LRMDA: variants seen among roughly 807,000 people sequenced by gnomAD.
LRMDA encodes leucine-rich melanocyte differentiation-associated protein.
In LRMDA, 18 loss-of-function variants were observed where a neutral mutation model predicts 29.8. The observed-to-expected ratio is 0.60, with a 90% CI of 0.42 to 0.90. The LOEUF (loss-of-function observed/expected upper bound fraction) is 0.90, where lower values mean the gene tolerates loss of function less well. Ranked by LOEUF, LRMDA falls within the 40% of genes least tolerant of loss-of-function variation. The probability of loss-of-function intolerance (pLI) is 0.00; values close to 1 mark genes in which losing one functional copy is unlikely to be tolerated. For missense variants in LRMDA, 273 were observed against 273.9 expected, an observed-to-expected ratio of 1.00 and a Z score of 0.02; for synonymous variants, 125 against 109.4, an observed-to-expected ratio of 1.14 and a Z score of -0.89.
intron 2 of LRMDA, among the ~76,000 whole-genome samples, chr10:75,490,807 G>A (rs1197121663): frequency 6.6e-6 from 1 of 152,140 alleles, no homozygotes; most frequent in Admixed American, 6.5e-5. Context: ...TTGAATTATG[G>A]GTATCACTAA....
intron 5 of LRMDA, among the ~76,000 whole-genome samples, chr10:76,222,604 TA>T (rs1377205825): frequency 6.6e-6 from 1 of 152,006 alleles, no homozygotes; most frequent in East Asian, 1.9e-4. Flanking sequence ...TGGCAATCAT[TA>T]AAAAGTCAGG....
intron 6 of LRMDA, among the ~76,000 whole-genome samples, chr10:76,372,717 A>T (rs10824411): frequency 7.2e-5 from 11 of 152,022 alleles, no homozygotes; most frequent in Non-Finnish European, 1.6e-4. Context: ...TATGCTATGC[A>T]GAGATGTACT....
At chr10:76,057,375 T>A (rs1848633777) in intron 4 of LRMDA, among the ~76,000 whole-genome samples, 1 of 152,300 alleles carries the variant, frequency 6.6e-6, no homozygotes, top group Admixed American at 6.5e-5. Flanking sequence ...TCAAGAAATA[T>A]CTGTGCAACT....
At chr10:76,029,714 G>A (rs1848118215) in intron 2 of LRMDA, among the ~76,000 whole-genome samples, 1 of 152,156 alleles carries the variant, frequency 6.6e-6, no homozygotes, top group Admixed American at 6.5e-5. Context: ...TAGATATGGT[G>A]CAGGGGGCTT....
At chr10:76,194,671 A>T (rs748332409) in intron 5 of LRMDA, among the ~76,000 whole-genome samples, 1 of 152,172 alleles carries the variant, frequency 6.6e-6, no homozygotes, top group Non-Finnish European at 1.5e-5. Flanking sequence ...TAAGTTATTC[A>T]CTGGAAGTGC....
At chr10:76,089,384 T>G (rs1356992151) in intron 5 of LRMDA, among the ~76,000 whole-genome samples, 1 of 152,200 alleles carries the variant, frequency 6.6e-6, no homozygotes, top group East Asian at 1.9e-4. Context: ...GGGAACTTAA[T>G]TGCACTGGTG....
chr10:76,174,114 A>G (rs1400772804), intron 5 of LRMDA, among the ~76,000 whole-genome samples: 4 of 152,170 alleles, frequency 2.6e-5, no homozygotes, highest in South Asian at 2.1e-4. Context: ...TATTGGAGAG[A>G]AACATACACT....
At chr10:76,478,301 T>C (rs1037583167) in intron 6 of LRMDA, among the ~76,000 whole-genome samples, 6 of 152,190 alleles carry the variant, frequency 3.9e-5, no homozygotes, top group Non-Finnish European at 7.3e-5. Context: ...GAAAAAATGC[T>C]CATCTTCACT....
intron 2 of LRMDA, among the ~76,000 whole-genome samples, chr10:75,539,859 G>A (rs1480489304): frequency 6.6e-6 from 1 of 152,104 alleles, no homozygotes; most frequent in Non-Finnish European, 1.5e-5. Context: ...TGTTCTTGAT[G>A]CAAGGGCTTA....
chr10:75,547,751 G>GT (rs1302144138), intron 2 of LRMDA, among the ~76,000 whole-genome samples: 3 of 152,112 alleles, frequency 2.0e-5, no homozygotes, highest in African/African-American at 7.2e-5. Flanking sequence ...TATTTTGGCT[G>GT]TTATAAATTA....
chr10:75,910,879 T>A (rs1280155129), intron 2 of LRMDA, among the ~76,000 whole-genome samples: 1 of 152,228 alleles, frequency 6.6e-6, no homozygotes, highest in East Asian at 1.9e-4. Flanking sequence ...ATGGGTTCTC[T>A]GTCTCTTGTT....
chr10:75,972,316 A>G (rs2132439951), intron 2 of LRMDA, among the ~76,000 whole-genome samples: 1 of 151,976 alleles, frequency 6.6e-6, no homozygotes, highest in African/African-American at 2.4e-5. Context: ...AGAGCGAGAA[A>G]ACCTCTCCTT....
intron 6 of LRMDA, among the ~76,000 whole-genome samples, chr10:76,358,962 G>A (rs1319348801): frequency 1.3e-5 from 2 of 152,144 alleles, no homozygotes; most frequent in African/African-American, 4.8e-5. Context: ...TCTGCCTCCT[G>A]TCATCAGTCT....
At chr10:76,132,172 A>G (rs1051823331) in intron 5 of LRMDA, among the ~76,000 whole-genome samples, 1 of 152,100 alleles carries the variant, frequency 6.6e-6, no homozygotes, top group African/African-American at 2.4e-5. Flanking sequence ...GTCACTCTCT[A>G]TGATCCTGGA....
intron 5 of LRMDA, among the ~76,000 whole-genome samples, chr10:76,159,807 A>G (rs1372765482): frequency 7.2e-5 from 11 of 152,208 alleles, no homozygotes. Context: ...GATTCTAGCT[A>G]TATGTCATTC....
intron 2 of LRMDA, among the ~76,000 whole-genome samples, chr10:75,818,288 T>C (rs527840842): frequency 6.6e-6 from 1 of 152,290 alleles, no homozygotes; most frequent in South Asian, 2.1e-4. Context: ...CCCAGCCAGC[T>C]CTTGCAGGTC....
chr10:76,519,072 G>C (rs1843092958), intron 6 of LRMDA, among the ~76,000 whole-genome samples: 1 of 152,184 alleles, frequency 6.6e-6, no homozygotes, highest in South Asian at 2.1e-4. Flanking sequence ...ACTTTGGGAG[G>C]CTGAGAAGGG....
chr10:76,101,353 C>T (rs1055061606), intron 5 of LRMDA, among the ~76,000 whole-genome samples: 2 of 152,106 alleles, frequency 1.3e-5, no homozygotes, highest in African/African-American at 4.8e-5. Flanking sequence ...GTTGTTAGTT[C>T]TAAATTTACA....
intron 6 of LRMDA, among the ~76,000 whole-genome samples, chr10:76,369,832 G>A (rs1174783725): frequency 6.6e-6 from 1 of 152,130 alleles, no homozygotes; most frequent in Admixed American, 6.6e-5. Flanking sequence ...TTCTGGTTGA[G>A]AACTGGGCCT....
Sources: allele counts gnomAD v4.1 joint callset (sites outside exome capture counted in the v4.1 genomes callset), GRCh38; gene constraint gnomAD v4.1.1; transcripts MANE v1.5; gene names NCBI Gene and HGNC (gene_info 2026-07-23, HGNC 2026-07-21).